The following TEX15 variants were observed in gnomAD, a reference collection of about 807,000 sequenced individuals.
TEX15 encodes the protein testis expressed 15, meiosis and synapsis associated, also known as testis-expressed protein 15.
In TEX15, 171 loss-of-function variants were observed where a neutral mutation model predicts 237.3. The ratio of observed to expected loss-of-function variants is 0.72; its 90% CI spans 0.64 to 0.82. TEX15 has a LOEUF of 0.82. Among genes scored for constraint, TEX15 ranks in the 40% least tolerant of loss-of-function variants. The pLI is 0.00. For missense variants in TEX15, 3,750 were observed against 3,646.5 expected, an observed-to-expected ratio of 1.03 and a Z score of -0.73; for synonymous variants, 1,338 against 1,269.8, an observed-to-expected ratio of 1.05 and a Z score of -1.14.
intron 1 of TEX15, among the ~76,000 whole-genome samples, chr8:30,907,774 CAAAA>C (rs35997250): frequency 2.7e-5 from 3 of 111,560 alleles, no homozygotes; most frequent in East Asian, 5.3e-4. Context: ...ATAATTACAC[CAAAA>C]AAAAAAAAAA....
chr8:30,881,478 T>C (rs1808518710), intron 3 of TEX15, among the ~76,000 whole-genome samples: 1 of 152,122 alleles, frequency 6.6e-6, no homozygotes, highest in African/African-American at 2.4e-5. Context: ...TGATAACCCA[T>C]TTCATTCTTG....
At chr8:30,858,161 GAACA>G (rs553061176) in intron 7 of TEX15, among the ~76,000 whole-genome samples, 19 of 152,138 alleles carry the variant, frequency 1.2e-4, no homozygotes, top group Non-Finnish European at 2.6e-4. Context: ...CCAAGAAAAT[GAACA>G]AACTACAGTT....
chr8:30,912,333 CT>C (rs1319568201), intron 1 of TEX15, among the ~76,000 whole-genome samples: 9 of 620 alleles, frequency 0.015, no homozygotes, highest in Non-Finnish European at 0.046. Context: ...GGCGGCGGGG[CT>C]CCCGCCCCCT....
chr8:30,846,763 T>C lies in TEX15; in HGVS notation c.3404A>G (p.Tyr1135Cys), dbSNP rs781581829. The C allele has an allele frequency of 1.2e-6, 2 of 1,613,806 alleles. No homozygotes were observed. The highest frequency in any genetic ancestry group is 1.7e-6 in the Non-Finnish European group (2 of 1,179,736). The change falls in exon 8 of 11, where the codon TAT becomes TGT. Residue 1135 changes from tyrosine (Y) to cysteine (C), a missense_variant. Physicochemically the swap from Tyr to Cys is radical, Grantham distance 194. Transcript: ENST00000643185. ...ATTGTTTTGTGTAGAGGAATAAAAA[T>C]AGTTACTTTCCTTAGAATAATGCTG... ...SDQHYSKESN[Y>C]FYSSTQNNET...
chr8:30,907,181 C>A (rs1178222386), intron 1 of TEX15, among the ~76,000 whole-genome samples: 1 of 152,074 alleles, frequency 6.6e-6, no homozygotes, highest in Non-Finnish European at 1.5e-5. Flanking sequence ...GCTGTGTTGC[C>A]AAGGCTGGAG....
At position 30,848,019 on chromosome 8, in the gene TEX15, A is replaced by T. The variant is rs1464598175; in HGVS notation, c.2148T>A (p.Ser716Arg). 1.2e-6 allele frequency: 2 copies of T among 1,613,868 alleles called. No individual in the cohort carries two copies. The highest frequency in any genetic ancestry group is 1.7e-6 in the Non-Finnish European group (2 of 1,179,960). ...HLALEWQITP[S>R]FESLSQKHPQ... ...GATGCTTTTGTGACAGGCTCTCAAA[A>T]CTTGGAGTAATTTGCCATTCCAATG... Residue 716 changes from serine to arginine, a missense_variant, in exon 8 of 11, where the codon AGT becomes AGA. By Grantham distance (110) the Ser-to-Arg change is moderately radical. Coordinates refer to ENST00000643185, the MANE Select transcript of TEX15 (RefSeq NM_001350162.2).
At position 30,844,371 on chromosome 8, in the gene TEX15, T is replaced by A. The variant is rs773264729; in HGVS notation, c.5796A>T (p.Lys1932Asn). The A allele has an allele frequency of 2.5e-6, 4 of 1,609,716 alleles. No homozygotes were observed. The highest frequency in any genetic ancestry group is 3.4e-6 in the Non-Finnish European group (4 of 1,178,474). Reference sequence around the variant, plus strand: ...GTAATGTCAAGTCAGACTGCGAGTCTTTACTAACTTTAATTTCCCCCTTCT... The same window carrying A: ...GTAATGTCAAGTCAGACTGCGAGTCATTACTAACTTTAATTTCCCCCTTCT... ...REKKGEIKVS[K>N]DSQSDLTLHS... Residue 1932 changes from lysine (K) to asparagine (N), a missense_variant, in exon 8 of 11, where the codon AAA (lysine) becomes AAT (asparagine). Physicochemically the swap from Lys to Asn is moderately conservative, Grantham distance 94. Coordinates refer to ENST00000643185, the MANE Select transcript of TEX15 (RefSeq NM_001350162.2).
At chr8:30,859,200 T>C (rs528325022) in intron 6 of TEX15, among the ~76,000 whole-genome samples, 2 of 151,998 alleles carry the variant, frequency 1.3e-5, no homozygotes, top group Non-Finnish European at 2.9e-5. Context: ...TATACTTTCA[T>C]TGGGAAGATT....
rs1219356071 is a variant in TEX15 at position 30,845,702 on chromosome 8, T to G, written c.4465A>C (p.Arg1489=). The G allele has an allele frequency of 1.2e-6, 2 of 1,613,480 alleles. No homozygotes were observed. The highest frequency in any genetic ancestry group is 1.7e-6 in the Non-Finnish European group (2 of 1,179,604). The change falls in exon 8 of 11, where the codon AGG becomes CGG. Residue 1489 remains arginine, a synonymous_variant. Coordinates refer to ENST00000643185, the MANE Select transcript of TEX15 (RefSeq NM_001350162.2). ...GAGACACTGCTAGCCATACTTTTCC[T>G]AGAAAGGCATTTTTTCTCTCCACTT... The part of the protein sequence containing the change: ...KTSGEKKCLS[R]KSMASSVSKS...
chr8:30,856,292 G>A (rs1164680699), intron 7 of TEX15, among the ~76,000 whole-genome samples: 2 of 151,538 alleles, frequency 1.3e-5, no homozygotes, highest in African/African-American at 4.8e-5. Context: ...GGTGGCTCAC[G>A]ACTGTAATCC....
At chr8:30,863,791 T>C (rs1808100875) in intron 5 of TEX15, among the ~76,000 whole-genome samples, 1 of 152,070 alleles carries the variant, frequency 6.6e-6, no homozygotes, top group Non-Finnish European at 1.5e-5. Context: ...GGTTGATCCT[T>C]GGCACAGAGA....
chr8:30,845,468 G>C lies in TEX15; in HGVS notation c.4699C>G (p.Leu1567Val), dbSNP rs764736663. The change falls in exon 8 of 11, where the codon CTA becomes GTA. Residue 1567 changes from leucine (L) to valine (V), a missense_variant. Leu to Val is a conservative substitution (Grantham distance 32). Coordinates refer to ENST00000643185, the MANE Select transcript of TEX15 (RefSeq NM_001350162.2). ...LFSPDHSDEKLIEKENQIDTA... is the reference protein window; with the variant it reads ...LFSPDHSDEKVIEKENQIDTA... ...TCAATTTGATTTTCTTTTTCTATTA[G>C]TTTCTCATCTGAGTGGTCTGGGGAA... is the stretch of plus-strand genomic sequence containing the variant. 6.2e-7 allele frequency: 1 copy of C among 1,613,014 alleles called. No individual in the cohort carries two copies. The highest frequency in any genetic ancestry group is 8.5e-7 in the Non-Finnish European group (1 of 1,179,412).
intron 9 of TEX15, among the ~76,000 whole-genome samples, chr8:30,838,812 AT>A (rs1807376338): frequency 3.3e-5 from 3 of 91,836 alleles, no homozygotes; most frequent in Non-Finnish European, 6.2e-5. Flanking sequence ...ATATATATAT[AT>A]ATATATATGA....
In TEX15 at chr8:30,858,696, G is replaced by A. The variant is rs1382766516; in HGVS notation, c.822C>T (p.Phe274=). The A allele has an allele frequency of 6.5e-7, 1 of 1,534,980 alleles. No homozygotes were observed. The highest frequency in any genetic ancestry group is 2.0e-5 in the Admixed American group (1 of 50,852). Residue 274 remains phenylalanine, a synonymous_variant, in exon 7 of 11, where the codon TTC becomes TTT. Transcript: ENST00000643185. Reference sequence around the variant, plus strand: ...CTCTCTTAGGAAATCCTGTTGAGAGGAATCTCAAAGATGTCATAAGGCGTC... The same window carrying A: ...CTCTCTTAGGAAATCCTGTTGAGAGAAATCTCAAAGATGTCATAAGGCGTC... ...DNGRLMTSLR[F]LSTGFPKRAE...
chr8:30,904,563 C>A (rs1483664906), intron 1 of TEX15, among the ~76,000 whole-genome samples: 2 of 151,718 alleles, frequency 1.3e-5, no homozygotes, highest in East Asian at 3.9e-4. Flanking sequence ...ACATTTTTAA[C>A]TAGAAATTCA....
At position 30,846,985 on chromosome 8, in the gene TEX15, A is replaced by G. The variant is rs1488564731; in HGVS notation, c.3182T>C (p.Ile1061Thr). The G allele has an allele frequency of 3.7e-6, 6 of 1,613,620 alleles. No homozygotes were observed. The South Asian group carries it at 5.5e-5, about 15-fold the overall frequency. ...VLQSIELESE[I>T]EIELEDCDDA... is the part of the protein sequence containing the mutation. ...ATCACAATCTTCTAATTCTATTTCA[A>G]TTTCACTTTCCAATTCAATGCTCTG... The change falls in exon 8 of 11, where the codon ATT becomes ACT. Residue 1061 changes from isoleucine (I) to threonine (T), a missense_variant. Ile to Thr is a moderately conservative substitution (Grantham distance 89). Coordinates refer to ENST00000643185, the MANE Select transcript of TEX15 (RefSeq NM_001350162.2).
Position 30,845,931 on chromosome 8 carries a change from T to TAA in TEX15, c.4234_4235dup (p.Leu1412PhefsTer8), listed in dbSNP as rs776374009. ...TGCATATTATTGCATATGATTTTGG[T>TAA]AATGGGCCCTTTCTTTCTTCTCCTA... is the stretch of plus-strand genomic sequence containing the variant. On this transcript the variant is annotated frameshift_variant, in exon 8 of 11. Coordinates refer to ENST00000643185, the MANE Select transcript of TEX15 (RefSeq NM_001350162.2). LOFTEE classifies it high-confidence loss of function. 4 of 1,613,356 alleles carry TAA rather than the reference T, an allele frequency of 2.5e-6. No individual in the cohort carries two copies. In the South Asian group the frequency reaches 4.4e-5, roughly 18 times the overall value.
In TEX15 at chr8:30,837,649, T is replaced by C. The variant is rs1807340676; in HGVS notation, c.8635A>G (p.Ile2879Val). The C allele has an allele frequency of 6.2e-7, 1 of 1,614,088 alleles. No homozygotes were observed. The highest frequency in any genetic ancestry group is 2.2e-5 in the East Asian group (1 of 44,878). ...DPTQKSCLSD[I>V]NPETDVSLVP... ...AGAGAAACATCAGTTTCTGGGTTTA[T>C]ATCAGAAAGGCAGGATTTTTGGGTG... Residue 2879 changes from isoleucine (I) to valine (V), a missense_variant, in exon 10 of 11, where the codon ATA becomes GTA. By Grantham distance (29) the Ile-to-Val change is conservative. Coordinates refer to ENST00000643185, the MANE Select transcript of TEX15 (RefSeq NM_001350162.2).
chr8:30,876,348 A>G (rs1490066267), intron 3 of TEX15, among the ~76,000 whole-genome samples: 1 of 152,180 alleles, frequency 6.6e-6, no homozygotes, highest in Non-Finnish European at 1.5e-5. Flanking sequence ...GAAATGTTTG[A>G]GTCAAATAGC....
Sources: gnomAD v4.1 joint callset for allele counts (sites outside exome capture counted in the v4.1 genomes callset) on GRCh38, gnomAD v4.1.1 for gene constraint, MANE v1.5 for transcripts, NCBI Gene and HGNC (gene_info 2026-07-23, HGNC 2026-07-21) for gene names.